Variants in MYO10 observed in about 807,000 individuals in gnomAD.
MYO10 encodes the protein unconventional myosin-X.
In MYO10, 133 loss-of-function variants were observed where a neutral mutation model predicts 257.3. The ratio of observed to expected loss-of-function variants is 0.52; its 90% CI spans 0.45 to 0.60. MYO10 has a LOEUF of 0.60. Ranked by LOEUF, MYO10 falls within the 20% of genes least tolerant of loss-of-function variation. The pLI is 0.00. For synonymous variants in MYO10, 1,104 were observed against 1,028.6 expected (o/e 1.07, Z -1.40); for missense variants, 2,399 against 2,635.7 (o/e 0.91, Z 1.97).
At chr5:16,802,802 T>C (rs1032639494) in intron 3 of MYO10, among the ~76,000 whole-genome samples, 1 of 151,976 alleles carries the variant, frequency 6.6e-6, no homozygotes, top group Non-Finnish European at 1.5e-5. Context: ...CAAGAAACAT[T>C]ATGCTCCTTA....
intron 19 of MYO10, among the ~76,000 whole-genome samples, chr5:16,723,396 A>C (rs1739232230): frequency 1.3e-5 from 2 of 152,146 alleles, no homozygotes; most frequent in South Asian, 4.1e-4. Flanking sequence ...TCAAAAAAAA[A>C]GAAAAAAAAT....
At position 16,664,849 on chromosome 5, in the gene MYO10, C is replaced by T. The variant is rs1394077654; in HGVS notation, c.*1843G>A. 2 of 152,202 alleles carry T rather than the reference C, an allele frequency of 1.3e-5. No individual in the cohort carries two copies. Among genetic ancestry groups the T allele is most frequent in the African/African-American group, 4.8e-5 (2 of 41,434 alleles). The allele number at this position is 152,202 out of a possible 1,614,324, so 9.4% of individuals were successfully genotyped here. ...GTGTCTACAAGAGCAGTGGAGACAG[C>T]TGCAGATCTGTGTTTAGACCTGATG... On this transcript the variant is annotated 3_prime_UTR_variant, in exon 41 of 41. Coordinates refer to ENST00000513610, the MANE Select transcript of MYO10 (RefSeq NM_012334.3).
chr5:16,872,811 C>G (rs10213774), intron 2 of MYO10, among the ~76,000 whole-genome samples: 3 of 152,134 alleles, frequency 2.0e-5, no homozygotes, highest in African/African-American at 7.2e-5. Flanking sequence ...CTCATCAGAT[C>G]TTGTGAGACT....
In MYO10 at chr5:16,701,334, T is replaced by A. The variant is rs1738055957; in HGVS notation, c.3061A>T (p.Ser1021Cys). 1.2e-6 allele frequency: 2 copies of A among 1,613,778 alleles called. No homozygotes were observed. The highest frequency in any genetic ancestry group is 2.7e-5 in the African/African-American group (2 of 74,940). ...GAGTCATCGCTGGTCCGGATGCCAC[T>A]TGTTCGCTGGTCTGAGTGGCCGTGC... ...SEHGHSDQRT[S>C]GIRTSDDSSE... The change falls in exon 25 of 41, where the codon AGT becomes TGT. Residue 1021 changes from serine (S) to cysteine (C), a missense_variant. Around this residue, in one of 3 missense-constraint regions of MYO10, gnomAD observed 1,820 missense variants for 1,939.4 expected, o/e 0.94. Transcript: ENST00000513610. The surrounding 1 kb of genome is among the most constrained non-coding windows in gnomAD (Gnocchi z 8.1).
chr5:16,792,357 AG>A (rs1328745392), intron 4 of MYO10, among the ~76,000 whole-genome samples: 1 of 152,198 alleles, frequency 6.6e-6, no homozygotes, highest in African/African-American at 2.4e-5. Flanking sequence ...CCCAAATCAA[AG>A]GGCTGTCAGG....
intron 19 of MYO10, among the ~76,000 whole-genome samples, chr5:16,721,444 A>T (rs542070281): frequency 1.4e-5 from 2 of 146,634 alleles, no homozygotes; most frequent in Non-Finnish European, 3.0e-5. Flanking sequence ...TTGTACTTAC[A>T]TCAGTCATTT....
At chr5:16,786,161 C>T (rs1396771900) in intron 4 of MYO10, among the ~76,000 whole-genome samples, 1 of 152,078 alleles carries the variant, frequency 6.6e-6, no homozygotes. Flanking sequence ...CTGTGTTACA[C>T]CCCTAAGATT....
At chr5:16,882,285 A>G (rs1344403140) in intron 1 of MYO10, among the ~76,000 whole-genome samples, 1 of 152,204 alleles carries the variant, frequency 6.6e-6, no homozygotes, top group Non-Finnish European at 1.5e-5. Context: ...TGACTTTATC[A>G]AATGTTGGTG....
intron 3 of MYO10, among the ~76,000 whole-genome samples, chr5:16,801,457 T>C (rs1742118564): frequency 6.6e-6 from 1 of 152,014 alleles, no homozygotes; most frequent in Non-Finnish European, 1.5e-5. Flanking sequence ...TCTGGCCTGC[T>C]TGCATCAGCC....
chr5:16,906,282 A>G (rs2126788582), intron 1 of MYO10, among the ~76,000 whole-genome samples: 1 of 152,270 alleles, frequency 6.6e-6, no homozygotes, highest in Non-Finnish European at 1.5e-5. Flanking sequence ...GATGAAAAGA[A>G]TTTGAGTCCT....
rs990805314 is a variant in MYO10, at chr5:16,665,810, G to A, written c.*882C>T. ...TGTTGAAGAGTGGTTTATAAATACA[G>A]TTATCTTGTAGGCTGCTTATCTGTT... On this transcript the variant is annotated 3_prime_UTR_variant, in exon 41 of 41. Coordinates refer to ENST00000513610, the MANE Select transcript of MYO10 (RefSeq NM_012334.3). 1 of 152,722 alleles carries A rather than the reference G, an allele frequency of 6.5e-6. No homozygotes were observed. The allele number at this position is 152,722 out of a possible 1,614,324, so 9.5% of individuals were successfully genotyped here. A position where few individuals can be genotyped will look rare whatever the true frequency, so the allele number is the denominator to read the frequency against.
At chr5:16,894,975 C>T (rs1203701166) in intron 1 of MYO10, among the ~76,000 whole-genome samples, 1 of 152,162 alleles carries the variant, frequency 6.6e-6, no homozygotes, top group African/African-American at 2.4e-5. Context: ...CAGCTCTACA[C>T]AATGAAACAA....
At chr5:16,815,953 A>G (rs1742592856) in intron 3 of MYO10, among the ~76,000 whole-genome samples, 1 of 152,068 alleles carries the variant, frequency 6.6e-6, no homozygotes, top group Admixed American at 6.6e-5. Context: ...AGAGGAAGAC[A>G]GCATGATTGA....
At chr5:16,776,073 T>G (rs1741202314) in intron 9 of MYO10, among the ~76,000 whole-genome samples, 1 of 151,486 alleles carries the variant, frequency 6.6e-6, no homozygotes, top group Non-Finnish European at 1.5e-5. Context: ...TTTTTGTATT[T>G]TTTTGTAGAG....
chr5:16,706,727 C>T (rs1579870807), intron 21 of MYO10, among the ~76,000 whole-genome samples: 3 of 152,132 alleles, frequency 2.0e-5, no homozygotes, highest in Non-Finnish European at 4.4e-5. Context: ...CAAATACTTG[C>T]TTTAGTTTTC....
At position 16,701,695 on chromosome 5, in the gene MYO10, C is replaced by T. The variant is rs1319173077; in HGVS notation, c.2700G>A (p.Leu900=). 1 of 1,613,902 alleles carries T rather than the reference C, an allele frequency of 6.2e-7. No individual in the cohort carries two copies. The highest frequency in any genetic ancestry group is 1.3e-5 in the African/African-American group (1 of 74,948). The change falls in exon 25 of 41, where the codon CTG becomes CTA. Residue 900 remains leucine, a synonymous_variant. Transcript: ENST00000513610. The surrounding 1 kb of genome is among the most constrained non-coding windows in gnomAD (Gnocchi z 8.1). The stretch of plus-strand genomic sequence containing the variant: ...GCTCCTGCTGCTCCTTCATGCGCTG[C>T]AGGTCCTCGATTTCTTTCTCCAGAC... The part of the protein sequence containing the change: ...ILRLEKEIED[L]QRMKEQQELS...
At chr5:16,900,801 GC>G (rs1452827196) in intron 1 of MYO10, among the ~76,000 whole-genome samples, 1 of 147,250 alleles carries the variant, frequency 6.8e-6, no homozygotes, top group African/African-American at 2.5e-5. Context: ...GTGCAATGGT[GC>G]CACCTCGGCT....
rs779582268 is a variant in MYO10 at position 16,671,015 on chromosome 5, A to G, written c.5431-37T>C. 10 of 1,550,694 alleles carry G rather than the reference A, an allele frequency of 6.4e-6. No individual in the cohort carries two copies. In the South Asian group the frequency reaches 1.2e-4, roughly 19 times the overall value. ...CAGTCAACAGCTTTCCGGTCAACGC[A>G]CTGCCATGCCATGGGATGCCCACGT... is the stretch of plus-strand genomic sequence containing the variant. On this transcript the variant is annotated intron_variant, in intron 38 of 40. Transcript: ENST00000513610.
chr5:16,772,021 T>C (rs1300706368), intron 9 of MYO10, among the ~76,000 whole-genome samples: 4 of 152,108 alleles, frequency 2.6e-5, no homozygotes, highest in Non-Finnish European at 4.4e-5. Context: ...AAAAAAAACC[T>C]TTAGAAAACA....
Sources: gnomAD v4.1 joint callset for allele counts (sites outside exome capture counted in the v4.1 genomes callset) on GRCh38, gnomAD v4.1.1 for gene constraint, gnomAD v4.1.1 regional missense constraint, Gnocchi (gnomAD v3.1) non-coding constraint, MANE v1.5 for transcripts, NCBI Gene and HGNC (gene_info 2026-07-23, HGNC 2026-07-21) for gene names.